The following IGF2R variants were observed in gnomAD, a reference collection of about 807,000 sequenced individuals.
IGF2R encodes cation-independent mannose-6-phosphate receptor.
A neutral mutation model predicts 270.6 loss-of-function variants in IGF2R; 91 were observed. That is an observed-to-expected ratio of 0.34 (90% CI 0.28 to 0.40). IGF2R has a LOEUF of 0.40. Among genes scored for constraint, IGF2R ranks in the 10% least tolerant of loss-of-function variants. The probability of loss-of-function intolerance (pLI) is 1.00; values close to 1 mark genes in which losing one functional copy is unlikely to be tolerated. For synonymous variants in IGF2R, 1,316 were observed against 1,258.9 expected, an observed-to-expected ratio of 1.05 and a Z score of -0.96; for missense variants, 2,805 against 3,188.3, an observed-to-expected ratio of 0.88 and a Z score of 2.90.
intron 4 of IGF2R, among the ~76,000 whole-genome samples, chr6:160,011,723 T>C (rs1209444676): frequency 6.6e-6 from 1 of 152,188 alleles, no homozygotes; most frequent in East Asian, 1.9e-4. Flanking sequence ...TCCCTCATGT[T>C]GCACTGCTAC....
intron 6 of IGF2R, 95 bp from the exon 7 acceptor site, chr6:160,029,455 C>T (rs1777643213): frequency 2.9e-6 from 2 of 697,388 alleles, no homozygotes; most frequent in Middle Eastern, 2.5e-4. Flanking sequence ...CCTCTCCTCC[C>T]CCCCAAGTGA....
In IGF2R at chr6:160,024,572, G is replaced by A. The variant is rs1285676827; in HGVS notation, c.514G>A (p.Val172Met). 2.5e-6 allele frequency: 4 copies of A among 1,613,798 alleles called. No homozygotes were observed. Among genetic ancestry groups the A allele is most frequent in the Non-Finnish European group, 1.7e-6 (2 of 1,179,938 alleles). Reference sequence around the variant, plus strand: ...TCACTTTTTTCTTCCTCCCTTCCAGGTGCCATGCTATGTGTTTGATGAAGA... The same window carrying A: ...TCACTTTTTTCTTCCTCCCTTCCAGATGCCATGCTATGTGTTTGATGAAGA... ...KKDIFKANKE[V>M]PCYVFDEELR... Residue 172 changes from valine to methionine, a missense_variant and splice_region_variant, in exon 5 of 48, where the codon GTG becomes ATG. Physicochemically the swap from Val to Met is conservative, Grantham distance 21. Coordinates refer to ENST00000356956, the MANE Select transcript of IGF2R (RefSeq NM_000876.4).
intron 31 of IGF2R, among the ~76,000 whole-genome samples, chr6:160,071,616 C>T (rs936155320): frequency 1.3e-4 from 20 of 152,152 alleles, no homozygotes; most frequent in Admixed American, 1.0e-3. Flanking sequence ...ATCCTTTGCA[C>T]GCCTGTCCCC....
Position 160,034,418 on chromosome 6 carries a change from G to C in IGF2R, c.1212-1G>C. The C allele has an allele frequency of 6.3e-7, 1 of 1,586,088 alleles. No homozygotes were observed. Among genetic ancestry groups the C allele is most frequent in the East Asian group, 2.3e-5 (1 of 44,362 alleles). On this transcript the variant is annotated splice_acceptor_variant, in intron 9 of 47. Coordinates refer to ENST00000356956, the MANE Select transcript of IGF2R (RefSeq NM_000876.4). LOFTEE classifies it high-confidence loss of function. ...TTGTCTGTGTATTCACAAAAATCTA[G>C]ATATTCGGATGGAGACCTCACCTTG...
chr6:160,063,323 C>T (rs1778482712), intron 26 of IGF2R, 92 bp from the exon 27 acceptor site: 1 of 980,272 alleles, frequency 1.0e-6, no homozygotes, highest in Non-Finnish European at 1.6e-6. Context: ...AGGCGTGAGC[C>T]ACTGCGCCCG....
chr6:160,072,143 C>T (rs1052187887), intron 32 of IGF2R, 107 bp downstream of exon 32: 71 of 1,423,576 alleles, frequency 5.0e-5, no homozygotes, highest in African/African-American at 2.8e-4. Context: ...GGGCAGCAGG[C>T]GCCCTGGGCA....
At chr6:160,080,071 G>A (rs1778943942) in intron 38 of IGF2R, 58 bp from the exon 39 acceptor site, 1 of 1,592,232 alleles carries the variant, frequency 6.3e-7, no homozygotes, top group Non-Finnish European at 8.6e-7. Flanking sequence ...TGCATTCTGA[G>A]GTGATTGTGC....
chr6:159,989,003 C>G (rs1003964060), intron 1 of IGF2R, among the ~76,000 whole-genome samples: 4 of 152,136 alleles, frequency 2.6e-5, no homozygotes, highest in African/African-American at 9.7e-5. Flanking sequence ...CATCTTGACT[C>G]TAGGAGACAC....
intron 1 of IGF2R, among the ~76,000 whole-genome samples, chr6:159,974,270 A>G (rs112090728): frequency 0.01 from 1,532 of 151,908 alleles, 22 homozygotes; most frequent in African/African-American, 0.036. Flanking sequence ...TCTTGTATTT[A>G]TTGGAATCCT....
Position 160,109,714 on chromosome 6 carries a change from C to G in IGF2R, c.*4630C>G, listed in dbSNP as rs532529957. The G allele has an allele frequency of 1.1e-4, 17 of 152,284 alleles. No individual in the cohort carries two copies. The highest frequency in any genetic ancestry group is 3.9e-4 in the African/African-American group (16 of 41,554). The allele number at this position is 152,284 out of a possible 1,614,324, so 9.4% of individuals were successfully genotyped here. On this transcript the variant is annotated 3_prime_UTR_variant, in exon 48 of 48. Transcript: ENST00000356956. ...TGGTTTACTTCTGTCTGGAAAGTTT[C>G]TCCTTTCTGTAACCTCCATGACCTT... is the stretch of plus-strand genomic sequence containing the variant.
At chr6:159,969,789 CA>C (rs1783580402) in intron 1 of IGF2R, among the ~76,000 whole-genome samples, 1 of 152,206 alleles carries the variant, frequency 6.6e-6, no homozygotes, top group Admixed American at 6.5e-5. Flanking sequence ...GCGTTTGCAT[CA>C]GAGTTTCGCC....
At chr6:160,101,777 G>A (rs1034596836) in intron 45 of IGF2R, among the ~76,000 whole-genome samples, 3 of 152,232 alleles carry the variant, frequency 2.0e-5, no homozygotes, top group African/African-American at 4.8e-5. Flanking sequence ...GGAAGTCTCC[G>A]TGGTTGTTTC....
At chr6:160,025,833 T>C (rs1777548611) in intron 5 of IGF2R, among the ~76,000 whole-genome samples, 1 of 152,246 alleles carries the variant, frequency 6.6e-6, no homozygotes, top group Non-Finnish European at 1.5e-5. Flanking sequence ...AATTCTGGAA[T>C]AATACGCTAT....
At position 160,047,177 on chromosome 6, in the gene IGF2R, C is replaced by T; in HGVS notation, c.2070C>T (p.Asn690=). Residue 690 remains asparagine (N), a synonymous_variant, in exon 16 of 48, where the codon AAC becomes AAT. Transcript: ENST00000356956. ...QVAKSDEKTW[N]LGLSNAKLSY... Reference sequence around the variant, plus strand: ...ATTTCAGTGATGAGAAGACTTGGAACTTGGGTCTGAGTAATGCGAAGCTTT... The same window carrying T: ...ATTTCAGTGATGAGAAGACTTGGAATTTGGGTCTGAGTAATGCGAAGCTTT... 6.2e-7 allele frequency: 1 copy of T among 1,614,090 alleles called. No homozygotes were observed. Among genetic ancestry groups the T allele is most frequent in the African/African-American group, 1.3e-5 (1 of 75,042 alleles).
intron 19 of IGF2R, among the ~76,000 whole-genome samples, chr6:160,052,060 A>C (rs904628820): frequency 6.6e-6 from 1 of 151,992 alleles, no homozygotes; most frequent in Admixed American, 6.6e-5. Flanking sequence ...AAATTAGCCA[A>C]GTGTGGTGAT....
chr6:160,104,242 T>C (rs1779560808), intron 47 of IGF2R, among the ~76,000 whole-genome samples: 1 of 152,180 alleles, frequency 6.6e-6, no homozygotes, highest in Non-Finnish European at 1.5e-5. Context: ...TCTCTAAAAC[T>C]AGGCTTTTGA....
In IGF2R at chr6:160,104,601, G is replaced by T. The variant is rs1031718210; in HGVS notation, c.7066-73G>T. 4.0e-6 allele frequency: 6 copies of T among 1,491,822 alleles called. No homozygotes were observed. The African/African-American group carries it at 8.3e-5, about 21-fold the overall frequency. 92.4% of individuals were successfully genotyped at this position (1,491,822 alleles called of 1,614,324 possible). A position where few individuals can be genotyped will look rare whatever the true frequency, so the allele number is the denominator to read the frequency against. ...GCTCGTGCCAGCAGAGAGCATCCCTGATGTGGTGGATGGTGGAGCAGAATG... is the reference window on the plus strand; with the variant it reads ...GCTCGTGCCAGCAGAGAGCATCCCTTATGTGGTGGATGGTGGAGCAGAATG... On this transcript the variant is annotated intron_variant, in intron 47 of 47. Transcript: ENST00000356956.
chr6:160,057,535 C>T (rs1045309300), intron 20 of IGF2R, among the ~76,000 whole-genome samples: 10 of 152,286 alleles, frequency 6.6e-5, no homozygotes, highest in East Asian at 1.9e-4. Flanking sequence ...CTGTGGCCAC[C>T]GTCTCCTTCC....
chr6:160,031,947 C>T (rs1012525659), intron 7 of IGF2R, among the ~76,000 whole-genome samples: 2 of 152,106 alleles, frequency 1.3e-5, no homozygotes, highest in African/African-American at 2.4e-5. Context: ...TGGTGGAGCT[C>T]CTGCTCTGTA....
Sources: allele counts gnomAD v4.1 joint callset (sites outside exome capture counted in the v4.1 genomes callset), GRCh38; gene constraint gnomAD v4.1.1; transcripts MANE v1.5; gene names NCBI Gene and HGNC (gene_info 2026-07-23, HGNC 2026-07-21).